Variants in THSD7B observed in about 807,000 individuals in gnomAD.
The protein encoded by THSD7B is thrombospondin type 1 domain containing 7B.
Under a neutral mutation model 213.6 loss-of-function variants are expected in THSD7B, and 138 were observed. The ratio of observed to expected loss-of-function variants is 0.65; its 90% confidence interval spans 0.56 to 0.74. The LOEUF (loss-of-function observed/expected upper bound fraction) is 0.74, where lower values mean the gene tolerates loss of function less well. THSD7B is among the 30% of genes least tolerant of loss of function. The pLI, the probability that THSD7B is intolerant of heterozygous loss-of-function variation, is 0.00. For missense variants in THSD7B, 1,931 were observed against 1,991.5 expected, an observed-to-expected ratio of 0.97 and a Z score of 0.58; for synonymous variants, 742 against 687.0, an observed-to-expected ratio of 1.08 and a Z score of -1.25.
intron 24 of THSD7B, among the ~76,000 whole-genome samples, chr2:137,657,861 C>A (rs1683267970): frequency 6.6e-6 from 1 of 152,132 alleles, no homozygotes; most frequent in Non-Finnish European, 1.5e-5. Flanking sequence ...ACTGCAGGCA[C>A]ACGCCACCAC....
At chr2:137,377,596 ATT>A (rs907312903) in intron 12 of THSD7B, among the ~76,000 whole-genome samples, 20 of 151,348 alleles carry the variant, frequency 1.3e-4, no homozygotes, top group Admixed American at 1.1e-3. Flanking sequence ...TAAATTATGA[ATT>A]TTTTTTGCAG....
In THSD7B at chr2:137,511,825, A is replaced by T. The variant is rs568177810; in HGVS notation, c.3139-51396A>T. 1.3e-4 allele frequency among the ~76,000 whole-genome samples: 20 copies of T among 152,168 alleles called. No homozygotes were observed. The East Asian group carries it at 3.7e-3, about 28-fold the overall frequency. On this transcript the variant is annotated intron_variant, in intron 15 of 27. Transcript: ENST00000409968. ...AGGAGTAAACTGAGGATGTATGGAG[A>T]GTTTATTATTTCAACCTTTTTACAT...
chr2:137,428,539 A>AT (rs1172011480), intron 14 of THSD7B, among the ~76,000 whole-genome samples: 14 of 152,050 alleles, frequency 9.2e-5, no homozygotes, highest in African/African-American at 2.9e-4. Flanking sequence ...AAACAACCCA[A>AT]TTTTTTTTCT....
At chr2:137,138,728 G>T (rs1220696489) in intron 5 of THSD7B, among the ~76,000 whole-genome samples, 1 of 152,172 alleles carries the variant, frequency 6.6e-6, no homozygotes, top group Non-Finnish European at 1.5e-5. Context: ...CCAAGAAGGT[G>T]AGCATAGCTA....
chr2:137,308,206 G>A (rs1032033819), intron 12 of THSD7B, among the ~76,000 whole-genome samples: 1 of 151,938 alleles, frequency 6.6e-6, no homozygotes, highest in Non-Finnish European at 1.5e-5. Context: ...CAGTCCTAGC[G>A]ATGATGGAGA....
intron 17 of THSD7B, among the ~76,000 whole-genome samples, chr2:137,577,686 C>T (rs575898880): frequency 6.6e-6 from 1 of 152,278 alleles, no homozygotes; most frequent in South Asian, 2.1e-4. Flanking sequence ...CAGACTAAGG[C>T]ATATCCCACA....
intron 10 of THSD7B, among the ~76,000 whole-genome samples, chr2:137,245,749 G>A (rs1201815879): frequency 6.6e-6 from 1 of 152,196 alleles, no homozygotes; most frequent in East Asian, 1.9e-4. Flanking sequence ...ATGTACAGGT[G>A]TTGTGTAAAG....
At chr2:136,832,309 G>A (rs1339961266) in intron 1 of THSD7B, among the ~76,000 whole-genome samples, 3 of 152,028 alleles carry the variant, frequency 2.0e-5, no homozygotes, top group Non-Finnish European at 4.4e-5. Flanking sequence ...AGCTGGAAAA[G>A]CTGGTGGTGT....
intron 15 of THSD7B, among the ~76,000 whole-genome samples, chr2:137,519,846 T>C (rs190074616): frequency 1.3e-5 from 2 of 152,200 alleles, no homozygotes; most frequent in African/African-American, 4.8e-5. Context: ...ACTTAAAATA[T>C]AAGAAAAACA....
chr2:137,541,476 A>T (rs920266077), intron 15 of THSD7B, among the ~76,000 whole-genome samples: 4 of 151,714 alleles, frequency 2.6e-5, no homozygotes, highest in African/African-American at 9.7e-5. Context: ...GTTTTGATAC[A>T]TGTAATGTAT....
At chr2:137,366,881 A>G (rs1258056048) in intron 12 of THSD7B, among the ~76,000 whole-genome samples, 1 of 152,090 alleles carries the variant, frequency 6.6e-6, no homozygotes, top group African/African-American at 2.4e-5. Context: ...TTATTATACT[A>G]TTTCCCTTAC....
intron 2 of THSD7B, among the ~76,000 whole-genome samples, chr2:137,027,259 G>A (rs754247626): frequency 7.9e-5 from 12 of 152,064 alleles, no homozygotes; most frequent in South Asian, 2.1e-4. Context: ...GCTCTTTCTC[G>A]CTTAGAGAGC....
rs745859671 is a variant in THSD7B, at chr2:137,671,125, G to A, written c.4739+3264G>A. ...TTGTTTGCGATACAGCACTTCTTTG[G>A]ATCTCTTTGTGCTGCTGTTTCAGAA... On this transcript the variant is annotated intron_variant, in intron 27 of 27. Transcript: ENST00000409968. Among the ~76,000 whole-genome samples, 12 of 151,674 alleles carry A rather than the reference G, an allele frequency of 7.9e-5. 1 individual carries two copies. Among genetic ancestry groups the A allele is most frequent in the Middle Eastern group, 6.8e-3 (2 of 294 alleles).
chr2:136,943,528 G>A (rs900105083), intron 2 of THSD7B, among the ~76,000 whole-genome samples: 9 of 152,074 alleles, frequency 5.9e-5, no homozygotes, highest in African/African-American at 2.2e-4. Context: ...TTTTTGGTTG[G>A]TAAGCTATTA....
At chr2:136,850,466 C>G (rs887704551) in intron 1 of THSD7B, among the ~76,000 whole-genome samples, 2 of 151,964 alleles carry the variant, frequency 1.3e-5, no homozygotes, top group African/African-American at 4.8e-5. Context: ...CATCTTCAAA[C>G]TTCCCTCAGT....
Position 137,677,523 on chromosome 2 carries a change from T to C in THSD7B, c.*918T>C, listed in dbSNP as rs1010258712. 4 of 152,656 alleles carry C rather than the reference T, an allele frequency of 2.6e-5. No homozygotes were observed. The East Asian group carries it at 7.7e-4, about 29-fold the overall frequency. 9.5% of individuals were successfully genotyped at this position (152,656 alleles called of 1,614,324 possible). ...AATTTAATTATCTGACCTCATTTAA[T>C]ATACATCAAACACCGATCCTGTTTG... On this transcript the variant is annotated 3_prime_UTR_variant, in exon 28 of 28. Transcript: ENST00000409968.
Position 137,094,960 on chromosome 2 carries a change from C to G in THSD7B, c.1038C>G (p.Ser346Arg). 1 of 1,613,880 alleles carries G rather than the reference C, an allele frequency of 6.2e-7. No homozygotes were observed. The highest frequency in any genetic ancestry group is 1.3e-5 in the African/African-American group (1 of 75,014). The stretch of plus-strand genomic sequence containing the variant: ...AAACCTCCCAGTGGTCCTCCTGGAG[C>G]CCCTGCTCCAAGACATGCCGTTCAG... ...DCETSQWSSWSPCSKTCRSGS... is the reference protein window; with the variant it reads ...DCETSQWSSWRPCSKTCRSGS... The change falls in exon 4 of 28, where the codon AGC becomes AGG. Residue 346 changes from serine (S) to arginine (R), a missense_variant. Transcript: ENST00000409968.
At chr2:137,029,618 A>G (rs905530253) in intron 2 of THSD7B, among the ~76,000 whole-genome samples, 3 of 152,148 alleles carry the variant, frequency 2.0e-5, no homozygotes, top group African/African-American at 7.2e-5. Context: ...GCCAACTATA[A>G]CTGCAAAAGT....
intron 1 of THSD7B, among the ~76,000 whole-genome samples, chr2:136,805,304 T>G (rs1682262469): frequency 6.6e-6 from 1 of 152,150 alleles, no homozygotes; most frequent in Non-Finnish European, 1.5e-5. Flanking sequence ...GTTAGATAAA[T>G]TAGTGTCCAC....
Sources: gnomAD v4.1 joint callset for allele counts (sites outside exome capture counted in the v4.1 genomes callset) on GRCh38, gnomAD v4.1.1 for gene constraint, MANE v1.5 for transcripts, NCBI Gene and HGNC (gene_info 2026-07-23, HGNC 2026-07-21) for gene names.